The following ANTXRL variants were observed in gnomAD, a reference collection of about 807,000 sequenced individuals.
ANTXRL encodes the protein anthrax toxin receptor-like.
In ANTXRL, 63 loss-of-function variants were observed where a neutral mutation model predicts 75.4. That is an observed-to-expected ratio of 0.84 (90% CI 0.68 to 1.03). The LOEUF (loss-of-function observed/expected upper bound fraction) is 1.03. Ranked by LOEUF, ANTXRL falls within the 50% of genes least tolerant of loss-of-function variation. The pLI is 0.00. For missense variants in ANTXRL, 797 were observed against 789.4 expected (o/e 1.01, Z -0.12); for synonymous variants, 335 against 291.3 (o/e 1.15, Z -1.53).
intron 1 of ANTXRL, among the ~76,000 whole-genome samples, chr10:46,291,640 A>G (rs1354313616): frequency 1.3e-5 from 2 of 152,090 alleles, no homozygotes; most frequent in Admixed American, 6.5e-5. Flanking sequence ...GTTTAAATTT[A>G]TTCTTAAGTA....
chr10:46,297,843 G>T lies in ANTXRL; in HGVS notation c.667G>T (p.Ala223Ser). Reference protein sequence around the residue: ...DYNLDQITAIADSPGHVFAVE... With the variant: ...DYNLDQITAISDSPGHVFAVE... ...CTGCTCTCTGTAGATAACAGCAATT[G>T]CAGACAGCCCTGGCCACGTGTTTGC... is the stretch of plus-strand genomic sequence containing the variant. Residue 223 changes from alanine to serine, a missense_variant, in exon 8 of 17, where the codon GCA becomes TCA. Physicochemically the swap from Ala to Ser is moderately conservative, Grantham distance 99. Around this residue, in one of 3 missense-constraint regions of ANTXRL, gnomAD observed 56 missense variants for 95.5 expected, o/e 0.59. Coordinates refer to ENST00000620264, the MANE Select transcript of ANTXRL (RefSeq NM_001278688.3). 6.5e-7 allele frequency: 1 copy of T among 1,535,924 alleles called. No individual in the cohort carries two copies. The highest frequency in any genetic ancestry group is 8.7e-7 in the Non-Finnish European group (1 of 1,146,740).
Position 46,297,347 on chromosome 10 carries a change from T to C in ANTXRL, c.585+19T>C. On this transcript the variant is annotated intron_variant, in intron 6 of 16. Coordinates refer to ENST00000620264, the MANE Select transcript of ANTXRL (RefSeq NM_001278688.3). ...CAGAGAAGTGAGTCCAGTTCATACTTACCAGCATTTTGCTCCATGTATTTT... is the reference window on the plus strand; with the variant it reads ...CAGAGAAGTGAGTCCAGTTCATACTCACCAGCATTTTGCTCCATGTATTTT... The C allele has an allele frequency of 6.5e-7, 1 of 1,536,204 alleles. No homozygotes were observed. Among genetic ancestry groups the C allele is most frequent in the Non-Finnish European group, 8.7e-7 (1 of 1,146,690 alleles).
intron 9 of ANTXRL, among the ~76,000 whole-genome samples, chr10:46,300,709 C>G (rs73291008): frequency 0.01 from 1,578 of 152,220 alleles, 24 homozygotes; most frequent in East Asian, 0.043. Flanking sequence ...ATCCTGGAAG[C>G]CTTCCCTGAT....
At chr10:46,325,732 C>A (rs1839179998) in intron 16 of ANTXRL, among the ~76,000 whole-genome samples, 1 of 132,688 alleles carries the variant, frequency 7.5e-6, no homozygotes, top group Admixed American at 8.3e-5. Context: ...GATGATGCAC[C>A]AATCAATTTT....
chr10:46,311,482 GA>G, intron 14 of ANTXRL, 27 bp from the exon 15 acceptor site: 1 of 1,513,734 alleles, frequency 6.6e-7, no homozygotes, highest in Non-Finnish European at 8.8e-7. Flanking sequence ...CCAGCACTGT[GA>G]GCAGACAGTT....
At chr10:46,297,547 C>T in intron 7 of ANTXRL, 73 bp downstream of exon 7, 4 of 1,461,020 alleles carry the variant, frequency 2.7e-6, no homozygotes, top group Non-Finnish European at 3.7e-6. Flanking sequence ...TCCCGGGCCA[C>T]CCCAAGGACG....
chr10:46,302,585 T>C, intron 9 of ANTXRL, 137 bp from the exon 10 acceptor site: 2 of 640,240 alleles, frequency 3.1e-6, no homozygotes, highest in Non-Finnish European at 5.5e-6. Context: ...ACATAGATGT[T>C]GGTTCAGACA....
intron 3 of ANTXRL, among the ~76,000 whole-genome samples, chr10:46,295,109 G>A (rs1249747321): frequency 2.6e-5 from 4 of 152,170 alleles, no homozygotes; most frequent in Non-Finnish European, 5.9e-5. Flanking sequence ...CACAGCTGTC[G>A]GGGCTGCCTC....
chr10:46,315,341 G>A (rs1295778517), intron 16 of ANTXRL, among the ~76,000 whole-genome samples: 3 of 152,234 alleles, frequency 2.0e-5, no homozygotes, highest in East Asian at 1.9e-4. Context: ...GTGAGAACCC[G>A]CTGGAGACCA....
At chr10:46,328,822 T>C (rs1209682880) in intron 16 of ANTXRL, among the ~76,000 whole-genome samples, 1 of 152,026 alleles carries the variant, frequency 6.6e-6, no homozygotes, top group African/African-American at 2.4e-5. Flanking sequence ...ATTTAAGAGA[T>C]GGGAAAGCCA....
At chr10:46,288,343 G>A (rs1351769533) in intron 1 of ANTXRL, among the ~76,000 whole-genome samples, 2 of 152,070 alleles carry the variant, frequency 1.3e-5, no homozygotes, top group African/African-American at 4.8e-5. Flanking sequence ...TTTTCTATCT[G>A]GTTCCTGGAC....
intron 9 of ANTXRL, among the ~76,000 whole-genome samples, 161 bp from the exon 10 acceptor site, chr10:46,302,561 T>C (rs1394582772): frequency 6.6e-6 from 1 of 152,100 alleles, no homozygotes; most frequent in African/African-American, 2.4e-5. Flanking sequence ...AGATGAAGAT[T>C]TGACCTAGTG....
Position 46,287,326 on chromosome 10 carries a change from C to T in ANTXRL, c.64C>T (p.Pro22Ser), listed in dbSNP as rs1313191175. Residue 22 changes from proline to serine, a missense_variant, in exon 1 of 17, where the codon CCA becomes TCA. Pro to Ser is a moderately conservative substitution (Grantham distance 74). Around this residue, in one of 3 missense-constraint regions of ANTXRL, gnomAD observed 262 missense variants for 271.9 expected, o/e 0.96. Coordinates refer to ENST00000620264, the MANE Select transcript of ANTXRL (RefSeq NM_001278688.3). ...LVFLLLLLLP[P>S]PLFRAGSLRY... The stretch of plus-strand genomic sequence containing the variant: ...CTTCCTGCTGCTGCTGCTGCTTCCT[C>T]CACCGCTTTTTAGAGCAGGAAGCCT... The T allele has an allele frequency of 4.6e-6, 7 of 1,535,882 alleles. No homozygotes were observed. The highest frequency in any genetic ancestry group is 1.2e-5 in the South Asian group (1 of 84,044).
At chr10:46,300,666 C>T (rs1412808921) in intron 9 of ANTXRL, among the ~76,000 whole-genome samples, 1 of 152,128 alleles carries the variant, frequency 6.6e-6, no homozygotes, top group African/African-American at 2.4e-5. Flanking sequence ...CCGAGCCCAC[C>T]TGTCCTTCAC....
chr10:46,308,092 A>G (rs1389315560), intron 12 of ANTXRL, among the ~76,000 whole-genome samples: 1 of 152,062 alleles, frequency 6.6e-6, no homozygotes, highest in African/African-American at 2.4e-5. Context: ...AGGCAGGAGG[A>G]TGTGCTGGAG....
intron 11 of ANTXRL, among the ~76,000 whole-genome samples, chr10:46,307,105 A>G (rs373673343): frequency 2.6e-5 from 4 of 152,158 alleles, no homozygotes; most frequent in Non-Finnish European, 4.4e-5. Context: ...ATGATTGCCC[A>G]AGGAATGGTA....
chr10:46,301,313 T>G lies in ANTXRL; in HGVS notation c.797-1409T>G, dbSNP rs1287374697. ...TAGCTGTGGGAGAGGACCCCAGGCT[T>G]GCCCTGAGGGGCCCATGTCTAGTTG... On this transcript the variant is annotated intron_variant, in intron 9 of 16. Transcript: ENST00000620264. Among the ~76,000 whole-genome samples the G allele has an allele frequency of 7.2e-5, 11 of 152,234 alleles. 1 individual carries two copies. Among genetic ancestry groups the G allele is most frequent in the Admixed American group, 7.2e-4 (11 of 15,286 alleles).
At chr10:46,308,154 T>A (rs1380515553) in intron 12 of ANTXRL, among the ~76,000 whole-genome samples, 1 of 152,170 alleles carries the variant, frequency 6.6e-6, no homozygotes, top group Non-Finnish European at 1.5e-5. Context: ...CAGTCTCACT[T>A]GTGAGGACAC....
intron 16 of ANTXRL, 112 bp downstream of exon 16, chr10:46,313,428 G>T: frequency 1.8e-6 from 2 of 1,131,162 alleles, no homozygotes; most frequent in Non-Finnish European, 2.6e-6. Context: ...CTGCAAAAGA[G>T]GACGGCACAA....
Sources: gnomAD v4.1 joint callset for allele counts (sites outside exome capture counted in the v4.1 genomes callset) on GRCh38, gnomAD v4.1.1 for gene constraint, gnomAD v4.1.1 regional missense constraint, MANE v1.5 for transcripts, NCBI Gene and HGNC (gene_info 2026-07-23, HGNC 2026-07-21) for gene names.